FTCD: variants seen among roughly 807,000 people sequenced by gnomAD.
The protein encoded by FTCD is formimidoyltransferase cyclodeaminase.
A neutral mutation model predicts 62.9 loss-of-function variants in FTCD; 76 were observed. The ratio of observed to expected loss-of-function variants is 1.21; its 90% CI spans 1.00 to 1.46. FTCD has a LOEUF of 1.46. Ranked by LOEUF, FTCD falls within the 40% of genes most tolerant of loss-of-function variation. The pLI, the probability that FTCD is intolerant of heterozygous loss-of-function variation, is 0.00. For missense variants in FTCD, 845 were observed against 751.3 expected (o/e 1.12, Z -1.46); for synonymous variants, 397 against 336.9 (o/e 1.18, Z -1.95).
chr21:46,138,501 C>G lies in FTCD; in HGVS notation c.1443+7G>C, dbSNP rs1235857955. ...CAGGAGGCCTGGGGTCCCCCGGGCC[C>G]CCCTACCTGGAGGTCTGACCGGCAG... On this transcript the variant is annotated splice_region_variant and intron_variant, in intron 12 of 13. Transcript: ENST00000397746. 1.3e-6 allele frequency: 2 copies of G among 1,581,066 alleles called. No homozygotes were observed. Among genetic ancestry groups the G allele is most frequent in the Admixed American group, 1.8e-5 (1 of 56,858 alleles).
At position 46,138,729 on chromosome 21, in the gene FTCD, A is replaced by C. The variant is rs1245451419; in HGVS notation, c.1305-83T>G. On this transcript the variant is annotated intron_variant, in intron 11 of 13. Coordinates refer to ENST00000397746, the MANE Select transcript of FTCD (RefSeq NM_206965.2). ...ACACTGCACCCCAACAGGGCTGAGCAGGCTGCAGAAGCGGGCGATGGGAAG... is the reference window on the plus strand; with the variant it reads ...ACACTGCACCCCAACAGGGCTGAGCCGGCTGCAGAAGCGGGCGATGGGAAG... The C allele has an allele frequency of 2.0e-6, 3 of 1,505,040 alleles. No homozygotes were observed. In the Admixed American group the frequency reaches 5.0e-5, roughly 25 times the overall value. The allele number at this position is 1,505,040 out of a possible 1,614,324, so 93.2% of individuals were successfully genotyped here.
rs765995982 is a variant in FTCD at position 46,151,585 on chromosome 21, C to T, written c.609G>A (p.Leu203=). 11 of 1,612,844 alleles carry T rather than the reference C, an allele frequency of 6.8e-6. No individual in the cohort carries two copies. The highest frequency in any genetic ancestry group is 9.3e-6 in the Non-Finnish European group (11 of 1,179,966). ...GGTCCTTCCCGCGGCCCTGCTCCCG[C>T]AGGTTGAGCGCGATGCGGTGGGCTT... The part of the protein sequence containing the change: ...KEQAHRIALN[L]REQGRGKDQP... Residue 203 remains leucine (L), a synonymous_variant, in exon 5 of 14, where the codon CTG becomes CTA. Coordinates refer to ENST00000397746, the MANE Select transcript of FTCD (RefSeq NM_206965.2).
intron 10 of FTCD, chr21:46,142,490 G>C (rs970955262): frequency 2.0e-5 from 3 of 151,984 alleles, no homozygotes; most frequent in Non-Finnish European, 4.4e-5. Flanking sequence ...TTCGCAGCGA[G>C]TGTTACAGCT....
chr21:46,152,778 G>A, intron 3 of FTCD, 129 bp downstream of exon 3: 3 of 782,784 alleles, frequency 3.8e-6, no homozygotes, highest in Non-Finnish European at 5.9e-6. Context: ...GCTTCTGCAT[G>A]TTGGCTTTTT....
chr21:46,136,607 G>A, downstream of FTCD: 17 of 1,518,518 alleles, frequency 1.1e-5, no homozygotes, highest in East Asian at 2.5e-5. Context: ...CCCACTGTGG[G>A]CTGCACTGGG....
In FTCD at chr21:46,151,914, T is replaced by G. The variant is rs1011557993; in HGVS notation, c.434A>C (p.Glu145Ala). ...RRTLPAIRAG[E>A]YEALPKKLQQ... Reference sequence around the variant, plus strand: ...CACCTTCTTAGGGAGGGCCTCGTACTCCCCGGCCCGGATGGCCGGCAGGGT... The same window carrying G: ...CACCTTCTTAGGGAGGGCCTCGTACGCCCCGGCCCGGATGGCCGGCAGGGT... The change falls in exon 4 of 14, where the codon GAG (glutamate) becomes GCG (alanine). Residue 145 changes from glutamate (E) to alanine (A), a missense_variant. By Grantham distance (107) the Glu-to-Ala change is moderately radical. Transcript: ENST00000397746. 2 of 1,566,284 alleles carry G rather than the reference T, an allele frequency of 1.3e-6. No homozygotes were observed. The highest frequency in any genetic ancestry group is 1.8e-4 in the Middle Eastern group (1 of 5,640).
At position 46,136,981 on chromosome 21, in the gene FTCD, G is replaced by C. The variant is rs1241538782; in HGVS notation, c.*6C>G. ...GCCACAGAGCCCGGAGAGGCCTCCCGCACCGTCACTCCTGCCGGGTCTCCA... is the reference window on the plus strand; with the variant it reads ...GCCACAGAGCCCGGAGAGGCCTCCCCCACCGTCACTCCTGCCGGGTCTCCA... On this transcript the variant is annotated 3_prime_UTR_variant, in exon 14 of 14. Transcript: ENST00000397746. 1.9e-6 allele frequency: 3 copies of C among 1,613,060 alleles called. No individual in the cohort carries two copies. Among genetic ancestry groups the C allele is most frequent in the Admixed American group, 1.7e-5 (1 of 60,026 alleles).
At position 46,137,421 on chromosome 21, in the gene FTCD, G is replaced by T. The variant is rs1353172760; in HGVS notation, c.1444-87C>A. 5.7e-6 allele frequency: 6 copies of T among 1,054,488 alleles called. No homozygotes were observed. In the South Asian group the frequency reaches 7.5e-5, roughly 13 times the overall value. The allele number at this position is 1,054,488 out of a possible 1,614,324, so 65.3% of individuals were successfully genotyped here. ...TCTCTGCCTGACGGGCTCTGGGACA[G>T]GCCGGACTTCGTCCTCCTCCTCACA... On this transcript the variant is annotated intron_variant, in intron 12 of 13. Transcript: ENST00000397746.
At position 46,137,739 on chromosome 21, in the gene FTCD, G is replaced by A. The variant is rs183100224; in HGVS notation, c.1444-405C>T. ...CTGGGACCAGATGCTGAAAAGAGGC[G>A]TCTTTCCTATAAAGAACCCGAAGAC... On this transcript the variant is annotated intron_variant, in intron 12 of 13. Coordinates refer to ENST00000397746, the MANE Select transcript of FTCD (RefSeq NM_206965.2). 2.8e-4 allele frequency among the ~76,000 whole-genome samples: 42 copies of A among 152,256 alleles called. No homozygotes were observed. In the East Asian group the frequency reaches 5.4e-3, roughly 20 times the overall value.
intron 12 of FTCD, 124 bp downstream of exon 12, chr21:46,138,384 C>A (rs1025858788): frequency 2.2e-6 from 2 of 906,750 alleles, no homozygotes; most frequent in Admixed American, 2.2e-5. Flanking sequence ...CCGGGAACTG[C>A]CCGTGAAGTG....
chr21:46,151,397 G>T (rs943558318), intron 5 of FTCD, among the ~76,000 whole-genome samples, 161 bp downstream of exon 5: 1 of 152,230 alleles, frequency 6.6e-6, no homozygotes, highest in African/African-American at 2.4e-5. Context: ...CGCGGTCCCC[G>T]CACGGTGTGG....
intron 2 of FTCD, among the ~76,000 whole-genome samples, chr21:46,153,504 C>T (rs1362254388): frequency 1.3e-5 from 2 of 152,248 alleles, no homozygotes; most frequent in East Asian, 3.8e-4. Context: ...CCAGAGCATT[C>T]TTCTCACTAG....
rs774375717 is a variant in FTCD, at chr21:46,136,803, G to A, written c.*184C>T. 28 of 1,533,818 alleles carry A rather than the reference G, an allele frequency of 1.8e-5. No homozygotes were observed. In the South Asian group the frequency reaches 2.1e-4, roughly 11 times the overall value. On this transcript the variant is annotated 3_prime_UTR_variant, in exon 14 of 14. Transcript: ENST00000397746. ...GTTTGGTGCCAAAACTTTACTGGAG[G>A]TCACATGGGACTAGGGGCCTTCTGT...
chr21:46,139,112 G>C, intron 10 of FTCD, 189 bp from the exon 11 acceptor site: 2 of 633,892 alleles, frequency 3.2e-6, no homozygotes, highest in Non-Finnish European at 5.7e-6. Flanking sequence ...CAGGGTAGGG[G>C]GGGTCGGGGC....
At position 46,137,329 on chromosome 21, in the gene FTCD, C is replaced by A. The variant is rs371212557; in HGVS notation, c.1449G>T (p.Ala483=). 6.2e-7 allele frequency: 1 copy of A among 1,612,938 alleles called. No homozygotes were observed. Among genetic ancestry groups the A allele is most frequent in the South Asian group, 1.1e-5 (1 of 91,062 alleles). Residue 483 remains alanine (A), a synonymous_variant, in exon 13 of 14, where the codon GCG becomes GCT. Coordinates refer to ENST00000397746, the MANE Select transcript of FTCD (RefSeq NM_206965.2). The stretch of plus-strand genomic sequence containing the variant: ...ACACGCCCATCTCCAGGGCTTTGGC[C>A]GCCACCTGCAAGGACCCCAGGGAGC... The part of the protein sequence containing the change: ...NLACRSDLQV[A]AKALEMGVFG...
chr21:46,142,417 G>A (rs2079035789), intron 10 of FTCD: 2 of 150,016 alleles, frequency 1.3e-5, no homozygotes, highest in Admixed American at 6.6e-5. Context: ...TTCACAGTGA[G>A]CGTTAAGCTC....
intron 10 of FTCD, among the ~76,000 whole-genome samples, chr21:46,144,782 G>A (rs530594239): frequency 1.1e-4 from 16 of 140,260 alleles, no homozygotes; most frequent in African/African-American, 4.4e-4. Flanking sequence ...TCCTGGGCTG[G>A]AACTGCTTGG....
At chr21:46,139,904 G>A (rs1313230768) in intron 10 of FTCD, among the ~76,000 whole-genome samples, 1 of 152,150 alleles carries the variant, frequency 6.6e-6, no homozygotes, top group Non-Finnish European at 1.5e-5. Flanking sequence ...CGGTGTCCAT[G>A]GTCTCCCTGG....
intron 10 of FTCD, among the ~76,000 whole-genome samples, chr21:46,140,964 C>T (rs1372644932): frequency 2.6e-5 from 4 of 152,262 alleles, no homozygotes; most frequent in Admixed American, 1.3e-4. Flanking sequence ...CCACTGATTT[C>T]GACCACTGAT....
Sources: gnomAD v4.1 joint callset for allele counts (sites outside exome capture counted in the v4.1 genomes callset) on GRCh38, gnomAD v4.1.1 for gene constraint, MANE v1.5 for transcripts, NCBI Gene and HGNC (gene_info 2026-07-23, HGNC 2026-07-21) for gene names.